Variants in CALCA observed in about 807,000 individuals in gnomAD.
The protein encoded by CALCA is calcitonin related polypeptide alpha.
A neutral mutation model predicts 6.9 loss-of-function variants in CALCA; 4 were observed. That is an observed-to-expected ratio of 0.58 (90% CI 0.29 to 1.33). CALCA has a LOEUF of 1.33. Ranked by LOEUF, CALCA falls within the 40% of genes most tolerant of loss-of-function variation. The pLI is 0.09. For missense variants in CALCA, 174 were observed against 178.3 expected (o/e 0.98, Z 0.14); for synonymous variants, 78 against 70.0 (o/e 1.11, Z -0.57).
chr11:14,969,071 G>A, intron 3 of CALCA, 74 bp from the exon 4 acceptor site: 1 of 1,412,488 alleles, frequency 7.1e-7, no homozygotes, highest in South Asian at 1.2e-5. Context: ...TAGAAGGTTA[G>A]ACCAGGCAGG....
chr11:14,970,669 G>A (rs1235719223), intron 2 of CALCA, among the ~76,000 whole-genome samples: 1 of 152,156 alleles, frequency 6.6e-6, no homozygotes, highest in East Asian at 1.9e-4. Context: ...GGAGGCTGAG[G>A]CAGGTGGATC....
rs776680257 is a variant in CALCA at position 14,970,056 on chromosome 11, G to C, written c.106C>G (p.Pro36Ala). The C allele has an allele frequency of 3.1e-6, 5 of 1,614,230 alleles. No individual in the cohort carries two copies. The highest frequency in any genetic ancestry group is 4.2e-6 in the Non-Finnish European group (5 of 1,180,042). Residue 36 changes from proline to alanine, a missense_variant, in exon 3 of 4, where the codon CCA becomes GCA. Coordinates refer to ENST00000331587, the MANE Select transcript of CALCA (RefSeq NM_001741.3). ...APFRSALESS[P>A]ADPATLSEDE... Reference sequence around the variant, plus strand: ...TCACTGAGCGTGGCCGGGTCTGCTGGGCTGCTCTCCAGGGCAGACCTGTGG... The same window carrying C: ...TCACTGAGCGTGGCCGGGTCTGCTGCGCTGCTCTCCAGGGCAGACCTGTGG...
rs1404301633 is a variant in CALCA at position 14,968,632 on chromosome 11, A to T, written c.*167T>A. ...GTATTTTCCCAGGTGATTCTCTTCC[A>T]ACCTGTGAGTCCTGCTCTCTTTCCT... On this transcript the variant is annotated 3_prime_UTR_variant, in exon 4 of 4. Transcript: ENST00000331587. The T allele has an allele frequency of 1.3e-6, 2 of 1,563,122 alleles. No individual in the cohort carries two copies. Among genetic ancestry groups the T allele is most frequent in the Non-Finnish European group, 1.7e-6 (2 of 1,156,706 alleles).
intron 2 of CALCA, 103 bp from the exon 3 acceptor site, chr11:14,970,178 G>A: frequency 1.3e-6 from 2 of 1,510,808 alleles, no homozygotes; most frequent in Non-Finnish European, 1.8e-6. Flanking sequence ...CCCTGAGGAT[G>A]TGGCCAGCGG....
At position 14,970,003 on chromosome 11, in the gene CALCA, T is replaced by G; in HGVS notation, c.159A>C (p.Ala53=). The G allele has an allele frequency of 6.2e-7, 1 of 1,614,172 alleles. No individual in the cohort carries two copies. Among genetic ancestry groups the G allele is most frequent in the South Asian group, 1.1e-5 (1 of 91,078 alleles). ...SEDEARLLLA[A]LVQDYVQMKA... ...TCATCTGCACATAGTCCTGCACCAG[T>G]GCAGCCAGCAGGAGGCGCGCTTCGT... Residue 53 remains alanine (A), a synonymous_variant, in exon 3 of 4, where the codon GCA becomes GCC. Transcript: ENST00000331587.
chr11:14,969,000 G>C lies in CALCA; in HGVS notation c.228-3C>G. On this transcript the variant is annotated splice_polypyrimidine_tract_variant and splice_region_variant and intron_variant, in intron 3 of 3. Transcript: ENST00000331587. The stretch of plus-strand genomic sequence containing the variant: ...GCTTAGATCTGGGGCTGTCCAGGCT[G>C]CAGGGAAAACACATACCAGACAGTA... 1 of 1,613,040 alleles carries C rather than the reference G, an allele frequency of 6.2e-7. No individual in the cohort carries two copies. Among genetic ancestry groups the C allele is most frequent in the Non-Finnish European group, 8.5e-7 (1 of 1,179,822 alleles).
At chr11:14,969,592 G>A (rs919777329) in intron 3 of CALCA, among the ~76,000 whole-genome samples, 2 of 152,280 alleles carry the variant, frequency 1.3e-5, no homozygotes, top group East Asian at 3.9e-4. Context: ...TGTACTATGT[G>A]TATCCCTGAC....
downstream of CALCA, chr11:14,967,743 A>G (rs145477509): frequency 1.5e-3 from 2,401 of 1,614,206 alleles, 1 homozygote; most frequent in Non-Finnish European, 1.9e-3. Flanking sequence ...TGGAACCCAC[A>G]TTGGTGGGCA....
chr11:14,968,390 A>G (rs1555025773), downstream of CALCA: 1 of 1,128,920 alleles, frequency 8.9e-7, no homozygotes, highest in Non-Finnish European at 1.1e-6. Context: ...GGGACCACCC[A>G]CCATATCCTC....
At chr11:14,972,216 T>A (rs1565210224) in intron 1 of CALCA, 29 bp downstream of exon 1, 1 of 153,584 alleles carries the variant, frequency 6.5e-6, no homozygotes, top group Non-Finnish European at 1.5e-5. Flanking sequence ...GGGAGAGACA[T>A]ATACCTGAGC....
At chr11:14,966,742 A>G (rs1004575154), downstream of CALCA, 1 of 152,644 alleles carries the variant, frequency 6.6e-6, no homozygotes, top group Non-Finnish European at 1.5e-5. Context: ...CTTTAAACAA[A>G]TACTTCTGTC....
chr11:14,971,728 T>A (rs574778027), intron 1 of CALCA, among the ~76,000 whole-genome samples: 77 of 152,348 alleles, frequency 5.1e-4, no homozygotes, highest in African/African-American at 1.9e-3. Flanking sequence ...CTCAGTCCCC[T>A]GCAGGAACCA....
intron 3 of CALCA, among the ~76,000 whole-genome samples, chr11:14,969,562 AT>A (rs1285179118): frequency 6.6e-6 from 1 of 152,052 alleles, no homozygotes; most frequent in Non-Finnish European, 1.5e-5. Context: ...GTGGATCCAA[AT>A]TTCTAAAACT....
At chr11:14,967,804 C>T (rs782028430), downstream of CALCA, 60 of 1,614,032 alleles carry the variant, frequency 3.7e-5, no homozygotes, top group Admixed American at 3.0e-4. Context: ...GCCTGCCAGC[C>T]GATGAGTCAC....
downstream of CALCA, chr11:14,968,352 C>G: frequency 1.3e-6 from 1 of 795,680 alleles, no homozygotes; most frequent in Non-Finnish European, 1.7e-6. Context: ...CTTAGGACCC[C>G]TGTTCTTCCT....
At chr11:14,971,600 T>G (rs1555026536) in intron 1 of CALCA, among the ~76,000 whole-genome samples, 1 of 152,144 alleles carries the variant, frequency 6.6e-6, no homozygotes, top group African/African-American at 2.4e-5. Context: ...TTCTGGGGCT[T>G]TTGCATACAC....
rs1849593739 is a variant in CALCA at position 14,971,142 on chromosome 11, C to G, written c.51G>C (p.Leu17=). The G allele has an allele frequency of 6.2e-7, 1 of 1,614,130 alleles. No individual in the cohort carries two copies. The highest frequency in any genetic ancestry group is 8.5e-7 in the Non-Finnish European group (1 of 1,180,022). Residue 17 remains leucine, a synonymous_variant, in exon 2 of 4, where the codon CTG becomes CTC. Coordinates refer to ENST00000331587, the MANE Select transcript of CALCA (RefSeq NM_001741.3). ...SPFLALSILV[L]LQAGSLHAAP... ...CTGCATGGAGGCTGCCTGCCTGCAACAGGACCAAGATGCTGAGAGCCAGGA... is the reference window on the plus strand; with the variant it reads ...CTGCATGGAGGCTGCCTGCCTGCAAGAGGACCAAGATGCTGAGAGCCAGGA...
chr11:14,968,411 G>T (rs989438823), downstream of CALCA: 1 of 1,176,244 alleles, frequency 8.5e-7, no homozygotes, highest in Non-Finnish European at 1.1e-6. Flanking sequence ...TGTCCAGCTA[G>T]CCTAGGGTTA....
intron 1 of CALCA, 55 bp from the exon 2 acceptor site, chr11:14,971,256 C>T: frequency 9.0e-7 from 1 of 1,106,036 alleles, no homozygotes; most frequent in Non-Finnish European, 1.4e-6. Context: ...TCTAGGAGCC[C>T]ACAGACCTTG....
Sources: gnomAD v4.1 joint callset for allele counts (sites outside exome capture counted in the v4.1 genomes callset) on GRCh38, gnomAD v4.1.1 for gene constraint, MANE v1.5 for transcripts, NCBI Gene and HGNC (gene_info 2026-07-23, HGNC 2026-07-21) for gene names.